The following WDPCP variants were observed in gnomAD, a reference collection of about 807,000 sequenced individuals.
WDPCP encodes the protein WD repeat-containing and planar cell polarity effector protein fritz homolog.
WDPCP carries 71 observed loss-of-function variants against 93.1 expected under a neutral mutation model. The observed-to-expected ratio is 0.76, with a 90% CI of 0.63 to 0.93. The LOEUF is 0.93. Ranked by LOEUF, WDPCP falls within the 40% of genes least tolerant of loss-of-function variation. WDPCP has a pLI of 0.00. For missense variants in WDPCP, 844 were observed against 887.4 expected (o/e 0.95, Z 0.62); for synonymous variants, 315 against 315.0 (o/e 1.00, Z 0.00).
At chr2:63,717,562 AG>A in intron 2 of WDPCP, 1 of 515,678 alleles carries the variant, frequency 1.9e-6, no homozygotes, top group South Asian at 1.4e-5. Context: ...CAGTCTTCTA[AG>A]GAAGACTGAT....
chr2:63,712,370 A>G (rs1669275212), intron 2 of WDPCP, among the ~76,000 whole-genome samples: 1 of 152,214 alleles, frequency 6.6e-6, no homozygotes, highest in East Asian at 1.9e-4. Flanking sequence ...CAATATATTC[A>G]GTGTTTTGTA....
rs117777907 is a variant in WDPCP at position 63,462,549 on chromosome 2, G to A, written c.384+22055C>T. 2.7e-4 allele frequency among the ~76,000 whole-genome samples: 41 copies of A among 152,204 alleles called. No homozygotes were observed. The East Asian group carries it at 7.5e-3, about 28-fold the overall frequency. ...AATAAAAAATCATTCTGACTACTAT[G>A]TGGAGAGCAGACTGGTAGGGGCACA... On this transcript the variant is annotated intron_variant, in intron 6 of 17. Transcript: ENST00000272321.
chr2:63,139,990 T>C (rs566945139), intron 17 of WDPCP, among the ~76,000 whole-genome samples: 2 of 152,364 alleles, frequency 1.3e-5, no homozygotes, highest in Admixed American at 1.3e-4. Flanking sequence ...GATTTTTGTA[T>C]AAGGTGAGAG....
chr2:63,715,551 A>G (rs762346905), intron 2 of WDPCP, among the ~76,000 whole-genome samples: 4 of 152,226 alleles, frequency 2.6e-5, no homozygotes, highest in Non-Finnish European at 5.9e-5. Context: ...GTTGACAGCC[A>G]TTTCAAAATA....
chr2:63,168,419 T>C (rs1192289683), intron 15 of WDPCP, among the ~76,000 whole-genome samples: 3 of 152,220 alleles, frequency 2.0e-5, no homozygotes, highest in Admixed American at 1.3e-4. Flanking sequence ...TTTATTTAGA[T>C]GTATGTCTTT....
At chr2:63,270,606 T>C (rs954947302) in intron 13 of WDPCP, among the ~76,000 whole-genome samples, 2 of 152,094 alleles carry the variant, frequency 1.3e-5, no homozygotes, top group African/African-American at 2.4e-5. Context: ...ACATTAGAAT[T>C]CAGAGAGAAG....
intron 2 of WDPCP, among the ~76,000 whole-genome samples, chr2:63,666,679 A>C (rs1235415447): frequency 6.6e-6 from 1 of 152,162 alleles, no homozygotes; most frequent in Non-Finnish European, 1.5e-5. Context: ...GCTATGGCCA[A>C]GCTTTCTCAG....
At chr2:63,631,052 G>A (rs1433666758) in intron 3 of WDPCP, among the ~76,000 whole-genome samples, 1 of 152,120 alleles carries the variant, frequency 6.6e-6, no homozygotes, top group Non-Finnish European at 1.5e-5. Flanking sequence ...AGGCCTAGGT[G>A]GATGGAACAC....
At chr2:63,606,134 C>T in intron 3 of WDPCP, 1 of 1,109,782 alleles carries the variant, frequency 9.0e-7, no homozygotes. Context: ...ATAATCCCAA[C>T]ACTTTGGAAG....
At chr2:63,255,238 C>T (rs1681038900) in intron 14 of WDPCP, among the ~76,000 whole-genome samples, 1 of 152,098 alleles carries the variant, frequency 6.6e-6, no homozygotes, top group African/African-American at 2.4e-5. Context: ...ATGCCGGTCA[C>T]AACTTCTACT....
intron 1 of WDPCP, among the ~76,000 whole-genome samples, chr2:63,505,478 C>T (rs1701813408): frequency 6.6e-6 from 1 of 151,970 alleles, no homozygotes; most frequent in African/African-American, 2.4e-5. Flanking sequence ...ATTTAAAAAT[C>T]AGTAGAATAA....
intron 1 of WDPCP, among the ~76,000 whole-genome samples, chr2:63,523,863 A>T (rs554158896): frequency 2.0e-5 from 3 of 152,182 alleles, no homozygotes; most frequent in Non-Finnish European, 4.4e-5. Context: ...GTGAGCCAAG[A>T]TCGCACAATT....
chr2:63,276,042 T>C (rs1683066073), intron 13 of WDPCP, among the ~76,000 whole-genome samples: 6 of 152,020 alleles, frequency 3.9e-5, no homozygotes, highest in Admixed American at 3.9e-4. Flanking sequence ...TGAAGACAAA[T>C]CACATCAAAG....
In WDPCP at chr2:63,550,547, A is replaced by G. The variant is rs562334868; in HGVS notation, c.75+37650T>C. On this transcript the variant is annotated intron_variant, in intron 1 of 17. Transcript: ENST00000272321. ...TCTTTCTGACCACTTTTCCTTAAGTACCATTTTTCTGTTTCTGTCTAATAT... is the reference window on the plus strand; with the variant it reads ...TCTTTCTGACCACTTTTCCTTAAGTGCCATTTTTCTGTTTCTGTCTAATAT... 2.0e-5 allele frequency among the ~76,000 whole-genome samples: 3 copies of G among 152,036 alleles called. No homozygotes were observed. In the East Asian group the frequency reaches 5.8e-4, roughly 29 times the overall value.
At chr2:63,509,671 G>A (rs993013172) in intron 1 of WDPCP, among the ~76,000 whole-genome samples, 1 of 151,934 alleles carries the variant, frequency 6.6e-6, no homozygotes, top group Non-Finnish European at 1.5e-5. Flanking sequence ...TAACAAAATA[G>A]ATAGACCACT....
At chr2:63,697,117 A>G (rs926793383) in intron 2 of WDPCP, among the ~76,000 whole-genome samples, 3 of 140,500 alleles carry the variant, frequency 2.1e-5, no homozygotes, top group Non-Finnish European at 4.6e-5. Flanking sequence ...AAAATGTAGT[A>G]GTAGTTATAG....
chr2:63,823,102 T>C (rs1364421110), intron 1 of WDPCP, among the ~76,000 whole-genome samples: 3 of 151,626 alleles, frequency 2.0e-5, no homozygotes, highest in African/African-American at 7.3e-5. Flanking sequence ...TTTTGTTTTT[T>C]TCCTCACTTT....
chr2:63,792,222 C>T (rs1254542453), intron 2 of WDPCP, among the ~76,000 whole-genome samples: 1 of 152,206 alleles, frequency 6.6e-6, no homozygotes, highest in Non-Finnish European at 1.5e-5. Flanking sequence ...CACAGTTCCA[C>T]ATGGCTGGGG....
At chr2:63,362,045 C>T (rs1690503131) in intron 12 of WDPCP, among the ~76,000 whole-genome samples, 1 of 152,058 alleles carries the variant, frequency 6.6e-6, no homozygotes, top group Non-Finnish European at 1.5e-5. Context: ...TATCCATCAC[C>T]TCATTTATCT....
Sources: gnomAD v4.1 joint callset for allele counts (sites outside exome capture counted in the v4.1 genomes callset) on GRCh38, gnomAD v4.1.1 for gene constraint, MANE v1.5 for transcripts, NCBI Gene and HGNC (gene_info 2026-07-23, HGNC 2026-07-21) for gene names.